The following NCOA3 variants were observed in gnomAD, a reference collection of about 807,000 sequenced individuals.
NCOA3 encodes nuclear receptor coactivator 3, also known as CBP-interacting protein.
NCOA3 carries 51 observed loss-of-function variants against 158.8 expected under a neutral mutation model. That is an observed-to-expected ratio of 0.32 (90% CI 0.26 to 0.41). The LOEUF is 0.41. Ranked by LOEUF, NCOA3 falls within the 10% of genes least tolerant of loss-of-function variation. The pLI is 1.00. For synonymous variants in NCOA3, 537 were observed against 592.4 expected (o/e 0.91, Z 1.36); for missense variants, 1,510 against 1,746.6 (o/e 0.86, Z 2.41).
intron 1 of NCOA3, among the ~76,000 whole-genome samples, chr20:47,537,960 A>G (rs1249871702): frequency 2.0e-5 from 3 of 151,500 alleles, no homozygotes; most frequent in Admixed American, 6.6e-5. Flanking sequence ...GCTTACTGCA[A>G]CCTCCACCTC....
chr20:47,648,938 G>T, intron 18 of NCOA3, 67 bp from the exon 19 acceptor site: 1 of 902,860 alleles, frequency 1.1e-6, no homozygotes. Flanking sequence ...GGTGCTGAGG[G>T]TCTGGAAAGC....
chr20:47,623,810 A>T, intron 3 of NCOA3, 101 bp from the exon 4 acceptor site: 2 of 1,073,896 alleles, frequency 1.9e-6, no homozygotes, highest in Non-Finnish European at 2.6e-6. Flanking sequence ...AAAAAAAAGT[A>T]ATCATGTAAT....
chr20:47,517,728 G>C (rs2084259338), intron 1 of NCOA3, among the ~76,000 whole-genome samples: 1 of 151,980 alleles, frequency 6.6e-6, no homozygotes. Flanking sequence ...TGAGATTACA[G>C]GCGTGAGCCA....
intron 1 of NCOA3, among the ~76,000 whole-genome samples, chr20:47,522,338 G>GTGA (rs2084354404): frequency 6.6e-6 from 1 of 151,018 alleles, no homozygotes; most frequent in African/African-American, 2.4e-5. Flanking sequence ...TCCTGACCTC[G>GTGA]TGATCTGCCC....
At chr20:47,611,676 C>T (rs1031799871) in intron 2 of NCOA3, among the ~76,000 whole-genome samples, 1 of 152,120 alleles carries the variant, frequency 6.6e-6, no homozygotes, top group Admixed American at 6.6e-5. Context: ...CCTGTAATCC[C>T]GGCTACTTGG....
intron 1 of NCOA3, among the ~76,000 whole-genome samples, chr20:47,526,757 G>A (rs1396254529): frequency 1.3e-5 from 2 of 152,126 alleles, no homozygotes; most frequent in South Asian, 2.1e-4. Flanking sequence ...CGTGGAAAGA[G>A]AGGGAGAGGG....
intron 1 of NCOA3, among the ~76,000 whole-genome samples, chr20:47,574,698 G>A (rs2085345994): frequency 6.6e-6 from 1 of 152,008 alleles, no homozygotes; most frequent in African/African-American, 2.4e-5. Context: ...ATCTGATTCT[G>A]TTTTCTTCAA....
chr20:47,519,023 C>T (rs2084281575), intron 1 of NCOA3, among the ~76,000 whole-genome samples: 1 of 151,846 alleles, frequency 6.6e-6, no homozygotes, highest in African/African-American at 2.4e-5. Context: ...GTAATCCCAG[C>T]TACTCAGGAG....
chr20:47,651,490 TC>T (rs1046249507), intron 20 of NCOA3, among the ~76,000 whole-genome samples: 5 of 152,202 alleles, frequency 3.3e-5, no homozygotes, highest in Admixed American at 3.3e-4. Flanking sequence ...AATATTTTTT[TC>T]AGTCCCACTC....
intron 1 of NCOA3, among the ~76,000 whole-genome samples, chr20:47,570,935 T>TACACACACACAC (rs1355297954): frequency 8.8e-5 from 5 of 56,958 alleles, no homozygotes; most frequent in African/African-American, 3.2e-4. Flanking sequence ...AGCAGTAATA[T>TACACACACACAC]ATATACACAC....
intron 1 of NCOA3, among the ~76,000 whole-genome samples, chr20:47,581,761 C>T (rs976718271): frequency 2.0e-5 from 3 of 152,162 alleles, no homozygotes; most frequent in Admixed American, 6.5e-5. Flanking sequence ...AGAACCTGCA[C>T]GCCATTTCTT....
At chr20:47,600,221 C>A (rs554957105) in intron 2 of NCOA3, among the ~76,000 whole-genome samples, 1 of 150,960 alleles carries the variant, frequency 6.6e-6, no homozygotes, top group East Asian at 1.9e-4. Context: ...GTTGCCCAGG[C>A]TGGAGTGCAG....
chr20:47,641,851 A>G (rs2086617099), intron 16 of NCOA3, among the ~76,000 whole-genome samples: 1 of 152,008 alleles, frequency 6.6e-6, no homozygotes, highest in African/African-American at 2.4e-5. Context: ...ATTTTCAAGT[A>G]TTATAATTAT....
At chr20:47,574,540 GA>G (rs1180978388) in intron 1 of NCOA3, among the ~76,000 whole-genome samples, 1 of 150,712 alleles carries the variant, frequency 6.6e-6, no homozygotes, top group African/African-American at 2.4e-5. Context: ...TAATGTTGGT[GA>G]AATGAAAATT....
chr20:47,528,592 T>C (rs557628855), intron 1 of NCOA3, among the ~76,000 whole-genome samples: 1 of 152,330 alleles, frequency 6.6e-6, no homozygotes, highest in African/African-American at 2.4e-5. Flanking sequence ...ATACACATAC[T>C]GTCTTGTCTT....
At chr20:47,576,932 A>G (rs2085381652) in intron 1 of NCOA3, among the ~76,000 whole-genome samples, 1 of 152,198 alleles carries the variant, frequency 6.6e-6, no homozygotes, top group Non-Finnish European at 1.5e-5. Context: ...AGAGAGAGGC[A>G]GAACAAGCGC....
At chr20:47,558,569 T>G in intron 1 of NCOA3, among the ~76,000 whole-genome samples, 1 of 152,184 alleles carries the variant, frequency 6.6e-6, no homozygotes, top group African/African-American at 2.4e-5. Context: ...TGCATCAGTT[T>G]CAGTGTCCCT....
chr20:47,623,207 A>G (rs934117337), intron 3 of NCOA3, among the ~76,000 whole-genome samples: 2 of 152,244 alleles, frequency 1.3e-5, no homozygotes, highest in African/African-American at 4.8e-5. Flanking sequence ...TTGAAGTTTA[A>G]TGTGCTAGTT....
intron 2 of NCOA3, among the ~76,000 whole-genome samples, chr20:47,590,677 G>A (rs2085616332): frequency 6.6e-6 from 1 of 152,168 alleles, no homozygotes; most frequent in African/African-American, 2.4e-5. Context: ...GGCATTGTGT[G>A]TCACATGCCT....
Sources: gnomAD v4.1 joint callset for allele counts (sites outside exome capture counted in the v4.1 genomes callset) on GRCh38, gnomAD v4.1.1 for gene constraint, MANE v1.5 for transcripts, NCBI Gene and HGNC (gene_info 2026-07-23, HGNC 2026-07-21) for gene names.